DNAI4: variants seen among roughly 807,000 people sequenced by gnomAD.
The protein encoded by DNAI4 is WD repeat domain 78.
A neutral mutation model predicts 105.8 loss-of-function variants in DNAI4; 85 were observed. The ratio of observed to expected loss-of-function variants is 0.80; its 90% CI spans 0.67 to 0.96. DNAI4 has a LOEUF of 0.96. Among genes scored for constraint, DNAI4 ranks in the 40% least tolerant of loss-of-function variants. The pLI, the probability that DNAI4 is intolerant of heterozygous loss-of-function variation, is 0.00. For missense variants in DNAI4, 1,014 were observed against 1,005.6 expected, an observed-to-expected ratio of 1.01 and a Z score of -0.11; for synonymous variants, 352 against 331.5, an observed-to-expected ratio of 1.06 and a Z score of -0.67.
intron 7 of DNAI4, among the ~76,000 whole-genome samples, chr1:66,858,135 C>T (rs993284833): frequency 2.6e-5 from 4 of 152,036 alleles, no homozygotes; most frequent in African/African-American, 7.3e-5. Context: ...AGAGAAAATA[C>T]TTTCCAACTC....
intron 15 of DNAI4, among the ~76,000 whole-genome samples, chr1:66,823,923 A>G (rs933461036): frequency 1.1e-3 from 165 of 150,032 alleles, no homozygotes; most frequent in African/African-American, 3.9e-3. Context: ...ATTAGATCCC[A>G]TTTGTCAATT....
rs1646639028 is a variant in DNAI4, at chr1:66,862,136, T to C, written c.1096+11A>G. The C allele has an allele frequency of 7.1e-6, 11 of 1,557,582 alleles. No individual in the cohort carries two copies. The East Asian group carries it at 2.5e-4, about 36-fold the overall frequency. On this transcript the variant is annotated intron_variant, in intron 7 of 16. Coordinates refer to ENST00000371026, the MANE Select transcript of DNAI4 (RefSeq NM_024763.5). ...AGTCATTCAAAAAAACTAAAATAAA[T>C]GAAATCTTACTTTTTTCTGTAGTGC...
At chr1:66,893,039 GAA>G (rs1422133748) in intron 3 of DNAI4, among the ~76,000 whole-genome samples, 188 bp downstream of exon 3, 1 of 113,956 alleles carries the variant, frequency 8.8e-6, no homozygotes, top group Admixed American at 8.6e-5. Flanking sequence ...AGAGAGGAAA[GAA>G]AGAAAGAAAG....
chr1:66,841,893 C>T (rs1330299648), intron 8 of DNAI4, among the ~76,000 whole-genome samples: 1 of 152,160 alleles, frequency 6.6e-6, no homozygotes, highest in Admixed American at 6.5e-5. Flanking sequence ...ATTCTATAAG[C>T]TTTGACAAAC....
intron 3 of DNAI4, among the ~76,000 whole-genome samples, 166 bp downstream of exon 3, chr1:66,893,063 G>GAGAGAAAGAAAGAA (rs879150798): frequency 6.7e-5 from 6 of 89,548 alleles, no homozygotes; most frequent in Admixed American, 1.2e-4. Flanking sequence ...AAGAGAGAGA[G>GAGAGAAAGAAAGAA]AGAAAGAAAG....
intron 16 of DNAI4, among the ~76,000 whole-genome samples, chr1:66,816,684 T>C (rs1465322498): frequency 6.6e-6 from 1 of 150,994 alleles, no homozygotes; most frequent in Non-Finnish European, 1.5e-5. Flanking sequence ...ACTAACAATA[T>C]GAAATTGATT....
At chr1:66,857,851 G>T (rs1321322108) in intron 7 of DNAI4, among the ~76,000 whole-genome samples, 1 of 151,902 alleles carries the variant, frequency 6.6e-6, no homozygotes, top group East Asian at 1.9e-4. Flanking sequence ...TTCCCAAAGT[G>T]CTGGGATTAC....
chr1:66,907,885 C>G (rs1442834739), intron 1 of DNAI4, among the ~76,000 whole-genome samples: 1 of 152,172 alleles, frequency 6.6e-6, no homozygotes, highest in East Asian at 1.9e-4. Flanking sequence ...AATACCCTCT[C>G]AAACTCCAAT....
chr1:66,872,914 T>C (rs1646878200), intron 5 of DNAI4, among the ~76,000 whole-genome samples: 1 of 151,986 alleles, frequency 6.6e-6, no homozygotes, highest in Non-Finnish European at 1.5e-5. Context: ...GGTTTCATCA[T>C]GTTGGCCAGG....
intron 9 of DNAI4, 39 bp from the exon 10 acceptor site, chr1:66,837,835 T>G (rs1262377313): frequency 6.5e-7 from 1 of 1,536,060 alleles, no homozygotes; most frequent in Admixed American, 1.9e-5. Context: ...TAAGAGAAGA[T>G]AGCATTAAAA....
At chr1:66,839,138 A>G (rs1413218907) in intron 9 of DNAI4, among the ~76,000 whole-genome samples, 1 of 152,172 alleles carries the variant, frequency 6.6e-6, no homozygotes, top group Non-Finnish European at 1.5e-5. Flanking sequence ...GATCTATTAA[A>G]TCCTATTTAC....
chr1:66,836,314 A>AAG (rs1646023761), intron 10 of DNAI4, among the ~76,000 whole-genome samples: 2 of 138,032 alleles, frequency 1.4e-5, no homozygotes, highest in African/African-American at 5.5e-5. Flanking sequence ...GAAAGAAAGA[A>AAG]AGAAAGAAAG....
intron 7 of DNAI4, among the ~76,000 whole-genome samples, chr1:66,849,465 A>G (rs1037282237): frequency 3.3e-5 from 5 of 152,220 alleles, no homozygotes; most frequent in African/African-American, 4.8e-5. Context: ...TTTAGAAAAG[A>G]TCCAGACTCT....
intron 7 of DNAI4, among the ~76,000 whole-genome samples, chr1:66,851,114 A>AT (rs1418049003): frequency 2.6e-5 from 4 of 151,948 alleles, no homozygotes; most frequent in Admixed American, 6.6e-5. Flanking sequence ...TTTATTTCAA[A>AT]TATACAATGT....
At chr1:66,883,045 T>C (rs1647110588) in intron 4 of DNAI4, among the ~76,000 whole-genome samples, 1 of 152,088 alleles carries the variant, frequency 6.6e-6, no homozygotes, top group Admixed American at 6.5e-5. Flanking sequence ...TAAATGTTTT[T>C]TGTTGTTGTA....
intron 16 of DNAI4, among the ~76,000 whole-genome samples, chr1:66,815,377 A>G (rs1399259846): frequency 6.6e-6 from 1 of 152,218 alleles, no homozygotes; most frequent in Non-Finnish European, 1.5e-5. Flanking sequence ...AATACTCAGT[A>G]AATATTAATA....
Position 66,924,646 on chromosome 1 carries a change from T to C in DNAI4, c.170+16A>G, listed in dbSNP as rs763974624. ...TCCCAGGGGGATGGACTACGGTTTT[T>C]AGCGCCGGAACTTACAACCCGAAGT... On this transcript the variant is annotated intron_variant, in intron 1 of 16. Transcript: ENST00000371026. The C allele has an allele frequency of 6.8e-6, 11 of 1,614,108 alleles. No homozygotes were observed. Among genetic ancestry groups the C allele is most frequent in the Admixed American group, 6.7e-5 (4 of 60,002 alleles).
intron 16 of DNAI4, among the ~76,000 whole-genome samples, chr1:66,819,161 A>T (rs934125623): frequency 1.3e-5 from 2 of 152,150 alleles, no homozygotes; most frequent in African/African-American, 4.8e-5. Flanking sequence ...CCAGTCAAAA[A>T]AGTCAACTTA....
chr1:66,827,030 A>G lies in DNAI4; in HGVS notation c.2129T>C (p.Val710Ala), dbSNP rs1433393736. The G allele has an allele frequency of 6.2e-7, 1 of 1,613,972 alleles. No individual in the cohort carries two copies. Among genetic ancestry groups the G allele is most frequent in the East Asian group, 2.2e-5 (1 of 44,864 alleles). Reference sequence around the variant, plus strand: ...ATCATGACAAAATGGATTCCATGTCACTTTATACACTGGACCCTAGAAATA... The same window carrying G: ...ATCATGACAAAATGGATTCCATGTCGCTTTATACACTGGACCCTAGAAATA... Reference protein sequence around the residue: ...YRGHKGPVYKVTWNPFCHDVF... With the variant: ...YRGHKGPVYKATWNPFCHDVF... The change falls in exon 15 of 17, where the codon GTG becomes GCG. Residue 710 changes from valine to alanine, a missense_variant. Val to Ala is a moderately conservative substitution (Grantham distance 64). Coordinates refer to ENST00000371026, the MANE Select transcript of DNAI4 (RefSeq NM_024763.5).
Sources: gnomAD v4.1 joint callset for allele counts (sites outside exome capture counted in the v4.1 genomes callset) on GRCh38, gnomAD v4.1.1 for gene constraint, MANE v1.5 for transcripts, NCBI Gene and HGNC (gene_info 2026-07-23, HGNC 2026-07-21) for gene names.